NAT14: variants seen among roughly 807,000 people sequenced by gnomAD.
NAT14 encodes N-acetyltransferase 14 (putative), also known as probable N-acetyltransferase 14.
NAT14 carries 14 observed loss-of-function variants against 12.1 expected under a neutral mutation model. The observed-to-expected ratio is 1.16, with a 90% CI of 0.76 to 1.81. The LOEUF is 1.81. Among genes scored for constraint, NAT14 ranks in the 40% most tolerant of loss-of-function variants. The pLI is 0.00. For missense variants in NAT14, 341 were observed against 304.3 expected, an observed-to-expected ratio of 1.12 and a Z score of -0.90; for synonymous variants, 156 against 145.1, an observed-to-expected ratio of 1.08 and a Z score of -0.54.
rs1386615944 is a variant in NAT14, at chr19:55,486,960, TACAGACTG to T, written c.*9_*16del. ...GGAATTCAGCAAAGACCTGTGAAGCTACAGACTGACAGCCAGGGCAGGGGAGGAGGGAG... is the reference window on the plus strand; with the variant it reads ...GGAATTCAGCAAAGACCTGTGAAGCTACAGCCAGGGCAGGGGAGGAGGGAG... On this transcript the variant is annotated 3_prime_UTR_variant, in exon 3 of 3. Transcript: ENST00000205194. The T allele has an allele frequency of 6.4e-7, 1 of 1,551,618 alleles. No individual in the cohort carries two copies. Among genetic ancestry groups the T allele is most frequent in the Admixed American group, 1.9e-5 (1 of 53,912 alleles).
At position 55,487,119 on chromosome 19, in the gene NAT14, CA is replaced by C; in HGVS notation, c.*164del. On this transcript the variant is annotated 3_prime_UTR_variant, in exon 3 of 3. Transcript: ENST00000205194. ...CGAGGGGAGGAGCCTGGCCTCTGTC[CA>C]CCCGTCAGCAGTGTGAAGTCTGTTG... The C allele has an allele frequency of 9.3e-7, 1 of 1,070,198 alleles. No homozygotes were observed. The highest frequency in any genetic ancestry group is 1.3e-6 in the Non-Finnish European group (1 of 780,780). 66.3% of individuals were successfully genotyped at this position (1,070,198 alleles called of 1,614,324 possible).
At chr19:55,486,314 G>T in intron 2 of NAT14, 94 bp from the exon 3 acceptor site, 1 of 1,381,558 alleles carries the variant, frequency 7.2e-7, no homozygotes, top group South Asian at 1.7e-5. Flanking sequence ...TCCCATTTGG[G>T]AGCTCTCACC....
At chr19:55,485,954 G>A (rs1986902159) in intron 2 of NAT14, 174 bp downstream of exon 2, 1 of 633,402 alleles carries the variant, frequency 1.6e-6, no homozygotes, top group African/African-American at 1.8e-5. Flanking sequence ...TGGCAGGTGG[G>A]GGCTCACCCC....
rs760992638 is a variant in NAT14 at position 55,486,623 on chromosome 19, C to T, written c.288C>T (p.Gly96=). The part of the protein sequence containing the change: ...GSLPPPGGLG[G]PWVAVRGSGD... Reference sequence around the variant, plus strand: ...TGCCTCCGCCGGGTGGCCTGGGGGGCCCCTGGGTGGCCGTGCGGGGCTCCG... The same window carrying T: ...TGCCTCCGCCGGGTGGCCTGGGGGGTCCCTGGGTGGCCGTGCGGGGCTCCG... Residue 96 remains glycine (G), a synonymous_variant, in exon 3 of 3, where the codon GGC becomes GGT. Transcript: ENST00000205194. The T allele has an allele frequency of 6.5e-7, 1 of 1,531,328 alleles. No homozygotes were observed. The highest frequency in any genetic ancestry group is 2.0e-5 in the Admixed American group (1 of 48,802). 94.9% of individuals were successfully genotyped at this position (1,531,328 alleles called of 1,614,324 possible).
rs1172362664 is a variant in NAT14, at chr19:55,487,564, C to T, written c.*608C>T. On this transcript the variant is annotated 3_prime_UTR_variant, in exon 3 of 3. Coordinates refer to ENST00000205194, the MANE Select transcript of NAT14 (RefSeq NM_020378.4). ...ACCGTTTGTTAATAAAGCCTGAAAC[C>T]GCTGTGTGCCTGTCTCTTCTCTGAT... The T allele has an allele frequency of 5.4e-6, 2 of 373,802 alleles. No individual in the cohort carries two copies. The highest frequency in any genetic ancestry group is 2.1e-5 in the African/African-American group (1 of 48,134). 23.2% of individuals were successfully genotyped at this position (373,802 alleles called of 1,614,324 possible). A position where few individuals can be genotyped will look rare whatever the true frequency, so the allele number is the denominator to read the frequency against.
Position 55,486,762 on chromosome 19 carries a change from C to T in NAT14, c.427C>T (p.Leu143=). ...CCGCCGCCGGGGCGTGGGCAGGAGGCTGCTGGCCTTCGCGGAGGCCCGGGC... is the reference window on the plus strand; with the variant it reads ...CCGCCGCCGGGGCGTGGGCAGGAGGTTGCTGGCCTTCGCGGAGGCCCGGGC... ...WHRRRGVGRR[L]LAFAEARARA... Residue 143 remains leucine, a synonymous_variant, in exon 3 of 3, where the codon CTG becomes TTG. Coordinates refer to ENST00000205194, the MANE Select transcript of NAT14 (RefSeq NM_020378.4). The T allele has an allele frequency of 7.0e-7, 1 of 1,421,478 alleles. No individual in the cohort carries two copies. Among genetic ancestry groups the T allele is most frequent in the Non-Finnish European group, 9.1e-7 (1 of 1,098,960 alleles). The allele number at this position is 1,421,478 out of a possible 1,614,324, so 88.1% of individuals were successfully genotyped here. A position where few individuals can be genotyped will look rare whatever the true frequency, so the allele number is the denominator to read the frequency against.
intron 2 of NAT14, 53 bp downstream of exon 2, chr19:55,485,833 C>T: frequency 1.5e-6 from 2 of 1,350,342 alleles, no homozygotes; most frequent in Non-Finnish European, 2.1e-6. Flanking sequence ...GGGGGAATTG[C>T]AAGTGGATTC....
In NAT14 at chr19:55,487,003, C is replaced by T. The variant is rs777447225; in HGVS notation, c.*47C>T. On this transcript the variant is annotated 3_prime_UTR_variant, in exon 3 of 3. Transcript: ENST00000205194. ...GCAGGGGAGGAGGGAGGGGCGCCAG[C>T]ACCTGATGATCGCCTACTGTCTGCG... is the stretch of plus-strand genomic sequence containing the variant. 2.0e-6 allele frequency: 3 copies of T among 1,516,866 alleles called. No individual in the cohort carries two copies. The South Asian group carries it at 3.7e-5, about 19-fold the overall frequency. 94.0% of individuals were successfully genotyped at this position (1,516,866 alleles called of 1,614,324 possible).
At chr19:55,485,619 A>C (rs2123418527) in intron 1 of NAT14, 42 bp from the exon 2 acceptor site, 1 of 1,088,402 alleles carries the variant, frequency 9.2e-7, no homozygotes, top group Non-Finnish European at 1.4e-6. Flanking sequence ...CTTTGGGGAC[A>C]GAGGTGCCCC....
In NAT14 at chr19:55,487,490, C is replaced by A. The variant is rs750016501; in HGVS notation, c.*534C>A. On this transcript the variant is annotated 3_prime_UTR_variant, in exon 3 of 3. Coordinates refer to ENST00000205194, the MANE Select transcript of NAT14 (RefSeq NM_020378.4). ...GGCCCCTCTCTGGGAAGGTTGAGAG[C>A]TGAGACGGGCAGCCCTGTCCCTTCC... 56 of 397,118 alleles carry A rather than the reference C, an allele frequency of 1.4e-4. No individual in the cohort carries two copies. The Middle Eastern group carries it at 3.1e-3, about 22-fold the overall frequency. 24.6% of individuals were successfully genotyped at this position (397,118 alleles called of 1,614,324 possible).
Position 55,486,710 on chromosome 19 carries a change from C to G in NAT14, c.375C>G (p.Val125=). ...PGTNAGDGAR[V]TRLSVSRWHR... ...CAAATGCAGGGGACGGGGCCCGGGT[C>G]ACCCGCCTGTCTGTCTCTCGCTGGC... The change falls in exon 3 of 3, where the codon GTC becomes GTG. Residue 125 remains valine (V), a synonymous_variant. Coordinates refer to ENST00000205194, the MANE Select transcript of NAT14 (RefSeq NM_020378.4). 1 of 1,417,886 alleles carries G rather than the reference C, an allele frequency of 7.1e-7. No individual in the cohort carries two copies. The highest frequency in any genetic ancestry group is 1.5e-5 in the South Asian group (1 of 65,360). 87.8% of individuals were successfully genotyped at this position (1,417,886 alleles called of 1,614,324 possible).
In NAT14 at chr19:55,486,515, T is replaced by C; in HGVS notation, c.180T>C (p.Ala60=). ...GCAGCGGCCTGCGCTTTGTCCTGGC[T>C]TCCTTCGCCCTGGCCCTCCTCCTGC... ...AASSGLRFVL[A]SFALALLLPV... is the part of the protein sequence containing the mutation. Residue 60 remains alanine (A), a synonymous_variant, in exon 3 of 3, where the codon GCT becomes GCC. Transcript: ENST00000205194. 6.3e-7 allele frequency: 1 copy of C among 1,586,644 alleles called. No individual in the cohort carries two copies. The highest frequency in any genetic ancestry group is 8.5e-7 in the Non-Finnish European group (1 of 1,173,440).
chr19:55,486,879 G>A lies in NAT14; in HGVS notation c.544G>A (p.Gly182Ser), dbSNP rs746871795. ...AAWGVGGMLE[G>S]CGYQAEGGWG... ...CTGGGGGGTGGGAGGGATGCTGGAG[G>A]GCTGTGGCTACCAGGCCGAGGGGGG... The change falls in exon 3 of 3, where the codon GGC (glycine) becomes AGC (serine). Residue 182 changes from glycine (G) to serine (S), a missense_variant. Transcript: ENST00000205194. 3.9e-6 allele frequency: 6 copies of A among 1,540,244 alleles called. No individual in the cohort carries two copies. Among genetic ancestry groups the A allele is most frequent in the East Asian group, 4.8e-5 (2 of 41,456 alleles).
Position 55,486,725 on chromosome 19 carries a change from C to G in NAT14, c.390C>G (p.Val130=). Residue 130 remains valine, a synonymous_variant, in exon 3 of 3, where the codon GTC becomes GTG. Coordinates refer to ENST00000205194, the MANE Select transcript of NAT14 (RefSeq NM_020378.4). ...GGGCCCGGGTCACCCGCCTGTCTGTCTCTCGCTGGCACCGCCGCCGGGGCG... is the reference window on the plus strand; with the variant it reads ...GGGCCCGGGTCACCCGCCTGTCTGTGTCTCGCTGGCACCGCCGCCGGGGCG... ...GDGARVTRLS[V]SRWHRRRGVG... The G allele has an allele frequency of 1.4e-6, 2 of 1,417,314 alleles. No homozygotes were observed. The highest frequency in any genetic ancestry group is 1.8e-6 in the Non-Finnish European group (2 of 1,097,288). 87.8% of individuals were successfully genotyped at this position (1,417,314 alleles called of 1,614,324 possible).
rs902318585 is a variant in NAT14 at position 55,487,344 on chromosome 19, A to C, written c.*388A>C. ...AGGGGGAGAGGAGGCCGAGCAGAAT[A>C]CACCCCAGAGTTAGGGTTTGCGACT... On this transcript the variant is annotated 3_prime_UTR_variant, in exon 3 of 3. Transcript: ENST00000205194. 1.9e-5 allele frequency: 8 copies of C among 423,118 alleles called. No homozygotes were observed. The highest frequency in any genetic ancestry group is 2.9e-5 in the Non-Finnish European group (7 of 241,510). The allele number at this position is 423,118 out of a possible 1,614,324, so 26.2% of individuals were successfully genotyped here.
Position 55,486,609 on chromosome 19 carries a change from G to A in NAT14, c.274G>A (p.Gly92Ser). The change falls in exon 3 of 3, where the codon GGT becomes AGT. Residue 92 changes from glycine to serine, a missense_variant. By Grantham distance (56) the Gly-to-Ser change is moderately conservative (BLOSUM62 0). Coordinates refer to ENST00000205194, the MANE Select transcript of NAT14 (RefSeq NM_020378.4). The stretch of plus-strand genomic sequence containing the variant: ...CCGATGGGGCTCGCTGCCTCCGCCG[G>A]GTGGCCTGGGGGGCCCCTGGGTGGC... ...RARWGSLPPP[G>S]GLGGPWVAVR... The A allele has an allele frequency of 6.5e-7, 1 of 1,542,726 alleles. No individual in the cohort carries two copies. The highest frequency in any genetic ancestry group is 8.7e-7 in the Non-Finnish European group (1 of 1,155,112).
Position 55,486,481 on chromosome 19 carries a change from C to A in NAT14, c.146C>A (p.Ala49Glu). The A allele has an allele frequency of 9.6e-6, 15 of 1,560,270 alleles. No homozygotes were observed. The highest frequency in any genetic ancestry group is 1.3e-5 in the Non-Finnish European group (15 of 1,161,376). The change falls in exon 3 of 3, where the codon GCG becomes GAG. Residue 49 changes from alanine to glutamate, a missense_variant. Transcript: ENST00000205194. Reference sequence around the variant, plus strand: ...CGGCCGCCGGCCCTGCTCCTCCTGGCGGCGGCCAGCAGCGGCCTGCGCTTT... The same window carrying A: ...CGGCCGCCGGCCCTGCTCCTCCTGGAGGCGGCCAGCAGCGGCCTGCGCTTT... The part of the protein sequence containing the change: ...LTRPPALLLL[A>E]AASSGLRFVL...
In NAT14 at chr19:55,485,689, G is replaced by A. The variant is rs767190767; in HGVS notation, c.-20G>A. On this transcript the variant is annotated 5_prime_UTR_variant, in exon 2 of 3. Coordinates refer to ENST00000205194, the MANE Select transcript of NAT14 (RefSeq NM_020378.4). ...CACGACGCCAGCTCCCTTCTGGGGGGCCGGGGCCTGGGGGTTGCCATGGCC... is the reference window on the plus strand; with the variant it reads ...CACGACGCCAGCTCCCTTCTGGGGGACCGGGGCCTGGGGGTTGCCATGGCC... 76 of 1,546,684 alleles carry A rather than the reference G, an allele frequency of 4.9e-5. No individual in the cohort carries two copies. In the South Asian group the frequency reaches 8.1e-4, roughly 16 times the overall value.
Position 55,486,908 on chromosome 19 carries a change from G to C in NAT14, c.573G>C (p.Trp191Cys). The C allele has an allele frequency of 6.4e-7, 1 of 1,559,682 alleles. No individual in the cohort carries two copies. Among genetic ancestry groups the C allele is most frequent in the East Asian group, 2.3e-5 (1 of 42,906 alleles). ...EGCGYQAEGG[W>C]GCLGYTLVRE... ...GTGGCTACCAGGCCGAGGGGGGCTG[G>C]GGCTGCCTGGGCTACACGCTGGTGA... is the stretch of plus-strand genomic sequence containing the variant. Residue 191 changes from tryptophan to cysteine, a missense_variant, in exon 3 of 3, where the codon TGG becomes TGC. Coordinates refer to ENST00000205194, the MANE Select transcript of NAT14 (RefSeq NM_020378.4).
Sources: allele counts gnomAD v4.1 joint callset, GRCh38; gene constraint gnomAD v4.1.1; transcripts MANE v1.5; gene names NCBI Gene and HGNC (gene_info 2026-07-23, HGNC 2026-07-21).